ATP6V0A4: variants seen among roughly 807,000 people sequenced by gnomAD.
The protein encoded by ATP6V0A4 is V-type proton ATPase 116 kDa subunit a 4.
In ATP6V0A4, 86 loss-of-function variants were observed where a neutral mutation model predicts 107.3. The observed-to-expected ratio is 0.80, with a 90% CI of 0.67 to 0.96. The LOEUF (loss-of-function observed/expected upper bound fraction) is 0.96, where lower values mean the gene tolerates loss of function less well. ATP6V0A4 is among the 40% of genes least tolerant of loss of function. The pLI, the probability that ATP6V0A4 is intolerant of heterozygous loss-of-function variation, is 0.00. For missense variants in ATP6V0A4, 908 were observed against 1,045.6 expected, an observed-to-expected ratio of 0.87 and a Z score of 1.81; for synonymous variants, 353 against 381.4, an observed-to-expected ratio of 0.93 and a Z score of 0.87.
intron 2 of ATP6V0A4, among the ~76,000 whole-genome samples, chr7:138,783,499 G>A (rs1378001206): frequency 1.3e-5 from 2 of 152,140 alleles, no homozygotes; most frequent in Non-Finnish European, 2.9e-5. Context: ...GCTGAAGCAG[G>A]AGGATCGCTT....
chr7:138,711,815 T>G (rs559048531), intron 20 of ATP6V0A4, among the ~76,000 whole-genome samples: 2 of 152,374 alleles, frequency 1.3e-5, no homozygotes, highest in South Asian at 4.1e-4. Context: ...AATACTCAGA[T>G]GCACACACTC....
chr7:138,732,785 CTCTT>C (rs1805085547), intron 17 of ATP6V0A4, 88 bp downstream of exon 17: 1 of 1,329,906 alleles, frequency 7.5e-7, no homozygotes, highest in Non-Finnish European at 1.0e-6. Flanking sequence ...CAGAGCAAGA[CTCTT>C]TCTCAAAAAA....
chr7:138,722,092 T>A lies in ATP6V0A4; in HGVS notation c.2011-67A>T. 2.5e-6 allele frequency: 4 copies of A among 1,598,758 alleles called. No homozygotes were observed. The South Asian group carries it at 4.5e-5, about 18-fold the overall frequency. ...CTGAGAATTCTAACACATATAAATA[T>A]AAATAAAGGCTCTCCTCAAATACTA... On this transcript the variant is annotated intron_variant, in intron 18 of 21. Coordinates refer to ENST00000310018, the MANE Select transcript of ATP6V0A4 (RefSeq NM_020632.3).
chr7:138,763,394 G>A lies in ATP6V0A4; in HGVS notation c.292-369C>T, dbSNP rs57573073. ...TGTAATCCCAGCACTTTGGGAGGCC[G>A]AGATGTGCAGATCACTTGAGGTCAA... On this transcript the variant is annotated intron_variant, in intron 5 of 21. Transcript: ENST00000310018. 8.7e-3 allele frequency among the ~76,000 whole-genome samples: 1,319 copies of A among 152,262 alleles called. 19 individuals are homozygous for A. Among genetic ancestry groups the A allele is most frequent in the African/African-American group, 0.03 (1,248 of 41,540 alleles).
At chr7:138,784,453 G>C (rs1808092374) in intron 2 of ATP6V0A4, among the ~76,000 whole-genome samples, 1 of 150,642 alleles carries the variant, frequency 6.6e-6, no homozygotes, top group Non-Finnish European at 1.5e-5. Context: ...CGAGTAGCTG[G>C]GACTACAGAC....
chr7:138,720,772 G>A (rs972961646), intron 19 of ATP6V0A4, among the ~76,000 whole-genome samples: 6 of 151,994 alleles, frequency 3.9e-5, no homozygotes, highest in African/African-American at 1.5e-4. Flanking sequence ...CAGTAGCTGG[G>A]ATTATAGGTG....
intron 12 of ATP6V0A4, among the ~76,000 whole-genome samples, 165 bp downstream of exon 12, chr7:138,749,002 A>G (rs966693659): frequency 6.6e-6 from 1 of 152,180 alleles, no homozygotes; most frequent in East Asian, 1.9e-4. Flanking sequence ...TAGGAATCCT[A>G]CTACTTGCCC....
At chr7:138,740,729 G>A (rs935599854) in intron 14 of ATP6V0A4, among the ~76,000 whole-genome samples, 12 of 151,684 alleles carry the variant, frequency 7.9e-5, no homozygotes, top group Non-Finnish European at 1.6e-4. Flanking sequence ...TGTGAGCCAC[G>A]ATGCCCGGCC....
chr7:138,780,849 G>C (rs551406882), intron 2 of ATP6V0A4, among the ~76,000 whole-genome samples: 1 of 152,008 alleles, frequency 6.6e-6, no homozygotes, highest in Non-Finnish European at 1.5e-5. Flanking sequence ...AGACTGCTAT[G>C]ATCCGAGATC....
intron 19 of ATP6V0A4, among the ~76,000 whole-genome samples, chr7:138,716,919 A>C (rs1479057834): frequency 6.6e-6 from 1 of 152,254 alleles, no homozygotes. Context: ...CAGCCTAGTC[A>C]GGAGAATATG....
intron 8 of ATP6V0A4, among the ~76,000 whole-genome samples, chr7:138,757,633 T>A (rs1426680264): frequency 1.8e-4 from 27 of 152,178 alleles, no homozygotes; most frequent in Non-Finnish European, 5.9e-5. Flanking sequence ...TGAAAGGCCA[T>A]TTGTCGGGAC....
rs372628048 is a variant in ATP6V0A4 at position 138,769,311 on chromosome 7, TC to T, written c.118-61del. On this transcript the variant is annotated intron_variant, in intron 3 of 21. Coordinates refer to ENST00000310018, the MANE Select transcript of ATP6V0A4 (RefSeq NM_020632.3). ...AGCAACAGCTGCCAATAGATTTCTTTCTTTTTTTTTTTTTTTTTTTGAGACT... is the reference window on the plus strand; with the variant it reads ...AGCAACAGCTGCCAATAGATTTCTTTTTTTTTTTTTTTTTTTTTTGAGACT... 2.9e-5 allele frequency: 44 copies of T among 1,534,286 alleles called. No individual in the cohort carries two copies. In the East Asian group the frequency reaches 4.1e-4, roughly 14 times the overall value.
intron 17 of ATP6V0A4, among the ~76,000 whole-genome samples, chr7:138,729,842 T>C (rs1804899167): frequency 6.6e-6 from 1 of 152,204 alleles, no homozygotes; most frequent in South Asian, 2.1e-4. Context: ...AGATTCCCCC[T>C]GATAATAGAG....
At position 138,749,262 on chromosome 7, in the gene ATP6V0A4, G is replaced by C. The variant is rs1806109220; in HGVS notation, c.1085C>G (p.Ala362Gly). Residue 362 changes from alanine (A) to glycine (G), a missense_variant, in exon 12 of 22, where the codon GCC becomes GGC. By Grantham distance (60) the Ala-to-Gly change is moderately conservative (BLOSUM62 0). Transcript: ENST00000310018. ...PIMTTVQSKT[A>G]PPTFNRTNKF... ...ATTGGTCCTGTTAAATGTGGGAGGG[G>C]CTGTTTTAGATTGCACTGTGGTCAT... 1.9e-6 allele frequency: 3 copies of C among 1,613,852 alleles called. No individual in the cohort carries two copies. The highest frequency in any genetic ancestry group is 1.1e-5 in the South Asian group (1 of 91,072).
chr7:138,727,691 ATATCT>A (rs1445313916), intron 18 of ATP6V0A4, among the ~76,000 whole-genome samples: 4 of 152,232 alleles, frequency 2.6e-5, no homozygotes, highest in African/African-American at 9.6e-5. Flanking sequence ...TAATCTGAAC[ATATCT>A]ACAACCATTT....
chr7:138,738,866 T>C (rs1238021348), intron 15 of ATP6V0A4, among the ~76,000 whole-genome samples: 1 of 152,114 alleles, frequency 6.6e-6, no homozygotes, highest in East Asian at 1.9e-4. Flanking sequence ...ATTTGCCAGG[T>C]TCAATTTCAG....
At chr7:138,766,497 C>T (rs895752931) in intron 5 of ATP6V0A4, among the ~76,000 whole-genome samples, 9 of 152,108 alleles carry the variant, frequency 5.9e-5, no homozygotes, top group African/African-American at 1.2e-4. Context: ...TAAGCCACTG[C>T]GCCTGGCCTA....
intron 10 of ATP6V0A4, among the ~76,000 whole-genome samples, chr7:138,755,131 T>G (rs1486100121): frequency 6.6e-6 from 1 of 152,180 alleles, no homozygotes; most frequent in Non-Finnish European, 1.5e-5. Flanking sequence ...CCCAGCTGTT[T>G]TCAGTGATTA....
chr7:138,731,901 A>T (rs28366588), intron 17 of ATP6V0A4, among the ~76,000 whole-genome samples: 15 of 146,708 alleles, frequency 1.0e-4, no homozygotes, highest in African/African-American at 3.5e-4. Context: ...TCCAAAAATA[A>T]AAATAAATAA....
Sources: allele counts gnomAD v4.1 joint callset (sites outside exome capture counted in the v4.1 genomes callset), GRCh38; gene constraint gnomAD v4.1.1; transcripts MANE v1.5; gene names NCBI Gene and HGNC (gene_info 2026-07-23, HGNC 2026-07-21).